FCHO1: variants seen among roughly 807,000 people sequenced by gnomAD.
FCHO1 encodes the protein F-BAR domain only protein 1.
FCHO1 carries 45 observed loss-of-function variants against 114.4 expected under a neutral mutation model. That is an observed-to-expected ratio of 0.39 (90% CI 0.31 to 0.50). The LOEUF (loss-of-function observed/expected upper bound fraction) is 0.50. Ranked by LOEUF, FCHO1 falls within the 20% of genes least tolerant of loss-of-function variation. The pLI, the probability that FCHO1 is intolerant of heterozygous loss-of-function variation, is 0.77. For synonymous variants in FCHO1, 480 were observed against 488.9 expected (o/e 0.98, Z 0.24); for missense variants, 1,042 against 1,209.6 (o/e 0.86, Z 2.06).
chr19:17,754,921 G>T (rs889522832), intron 3 of FCHO1, 197 bp from the exon 4 acceptor site: 21 of 539,296 alleles, frequency 3.9e-5, no homozygotes, highest in Non-Finnish European at 6.4e-5. Context: ...TCTGTGTCTT[G>T]TTCTGTCCCC....
chr19:17,765,997 T>C (rs557137107), intron 6 of FCHO1, among the ~76,000 whole-genome samples: 1 of 146,514 alleles, frequency 6.8e-6, no homozygotes, highest in Admixed American at 7.0e-5. Flanking sequence ...CACGCCATTC[T>C]CCTGCCTCAG....
chr19:17,774,328 G>T, intron 12 of FCHO1, 45 bp downstream of exon 12: 2 of 1,613,224 alleles, frequency 1.2e-6, no homozygotes, highest in Non-Finnish European at 1.7e-6. Context: ...CCATGGGGGT[G>T]AGGGAGGCTG....
Position 17,775,344 on chromosome 19 carries a change from GT to G in FCHO1, c.946-108del. 8.6e-7 allele frequency: 1 copy of G among 1,159,502 alleles called. No individual in the cohort carries two copies. The highest frequency in any genetic ancestry group is 1.3e-6 in the Non-Finnish European group (1 of 770,902). The allele number at this position is 1,159,502 out of a possible 1,614,324, so 71.8% of individuals were successfully genotyped here. On this transcript the variant is annotated intron_variant, in intron 14 of 28. Transcript: ENST00000596536. The surrounding 1 kb of genome is among the most constrained non-coding windows in gnomAD (Gnocchi z 5.1). ...AAGACAGTCGTTGCCATCAGGGTTG[GT>G]TTTGAGGTCTGAGTCAAGGCCTGGG... is the stretch of plus-strand genomic sequence containing the variant.
rs370951361 is a variant in FCHO1, at chr19:17,759,368, G to A, written c.28-3394G>A. 4.6e-5 allele frequency among the ~76,000 whole-genome samples: 7 copies of A among 150,916 alleles called. No individual in the cohort carries two copies. In the East Asian group the frequency reaches 1.2e-3, roughly 26 times the overall value. The stretch of plus-strand genomic sequence containing the variant: ...CTCCCGAGTACTTGGGACTACAGGC[G>A]CCCACTGCCACGTCTGGCTAATTTT... On this transcript the variant is annotated intron_variant, in intron 4 of 28. Transcript: ENST00000596536.
intron 4 of FCHO1, among the ~76,000 whole-genome samples, chr19:17,759,435 C>G (rs1396830857): frequency 6.6e-6 from 1 of 151,002 alleles, no homozygotes; most frequent in Admixed American, 6.6e-5. Flanking sequence ...GTTGGCCAGT[C>G]TGGTCTTGAA....
chr19:17,769,444 G>A (rs1195266922), intron 7 of FCHO1, among the ~76,000 whole-genome samples: 1 of 151,436 alleles, frequency 6.6e-6, no homozygotes, highest in Non-Finnish European at 1.5e-5. Context: ...GCCGGGCGTG[G>A]TGGCGGCGCC....
chr19:17,771,529 C>T (rs955035940), intron 9 of FCHO1, among the ~76,000 whole-genome samples: 2 of 151,320 alleles, frequency 1.3e-5, no homozygotes, highest in Admixed American at 6.6e-5. Flanking sequence ...ATTAGCCGGG[C>T]GTGGTGGTGG....
chr19:17,754,964 G>T lies in FCHO1; in HGVS notation c.-47-154G>T, dbSNP rs140917569. 535 of 632,510 alleles carry T rather than the reference G, an allele frequency of 8.5e-4. 3 individuals are homozygous for T. The African/African-American group carries it at 9.0e-3, about 11-fold the overall frequency. 39.2% of individuals were successfully genotyped at this position (632,510 alleles called of 1,614,324 possible). On this transcript the variant is annotated intron_variant, in intron 3 of 28. Transcript: ENST00000596536. The stretch of plus-strand genomic sequence containing the variant: ...GGAGCTACTTGGGACCAGCACTGGG[G>T]CTGAATTATCTCAGGGGTCCTGGCA...
upstream of FCHO1, among the ~76,000 whole-genome samples, chr19:17,749,954 G>A (rs967611510): frequency 2.6e-5 from 4 of 152,324 alleles, no homozygotes; most frequent in South Asian, 2.1e-4. Context: ...AAGCCAGATC[G>A]TGGAAGGTCA....
At chr19:17,777,535 CAAAAAAAAAAAAAAAAAA>C (rs34293409) in intron 18 of FCHO1, among the ~76,000 whole-genome samples, 1 of 74,808 alleles carries the variant, frequency 1.3e-5, no homozygotes, top group Non-Finnish European at 2.5e-5. Flanking sequence ...AACTCCGTCT[CAAAAAAAAAAAAAAAAAA>C]AAAAAAAAAG....
chr19:17,780,260 G>A (rs2093261614), intron 20 of FCHO1, among the ~76,000 whole-genome samples: 1 of 150,984 alleles, frequency 6.6e-6, no homozygotes. Context: ...TGCCTCCCAG[G>A]TTCAAACAGT....
intron 19 of FCHO1, 106 bp from the exon 20 acceptor site, chr19:17,778,502 TG>T: frequency 1.5e-6 from 2 of 1,339,322 alleles, no homozygotes; most frequent in Non-Finnish European, 2.0e-6. Context: ...GGACTTTGAA[TG>T]GGGGCCCCCC....
At chr19:17,748,397 A>G (rs994025580), upstream of FCHO1, among the ~76,000 whole-genome samples, 3 of 150,748 alleles carry the variant, frequency 2.0e-5, no homozygotes, top group African/African-American at 7.3e-5. Flanking sequence ...TTTCACTGGC[A>G]TCTTCTGTGG....
chr19:17,788,035 T>G (rs1051223326), intron 28 of FCHO1, among the ~76,000 whole-genome samples, 189 bp downstream of exon 28: 21 of 152,118 alleles, frequency 1.4e-4, no homozygotes, highest in Non-Finnish European at 1.9e-4. Context: ...GGGCTGGCCC[T>G]TGGAGGACGT....
At position 17,778,661 on chromosome 19, in the gene FCHO1, G is replaced by T; in HGVS notation, c.1404G>T (p.Ser468=). ...GCCCCTCCCCTTTCTCCTCCTCGTC[G>T]CCCGAAAACGTGGAGGATTCCGGCC... The part of the protein sequence containing the change: ...TSSPSPFSSS[S]PENVEDSGLD... The change falls in exon 20 of 29, where the codon TCG becomes TCT. Residue 468 remains serine (S), a synonymous_variant. Coordinates refer to ENST00000596536, the MANE Select transcript of FCHO1 (RefSeq NM_015122.3). 1 of 1,573,364 alleles carries T rather than the reference G, an allele frequency of 6.4e-7. No homozygotes were observed. The highest frequency in any genetic ancestry group is 8.6e-7 in the Non-Finnish European group (1 of 1,163,658).
chr19:17,777,245 T>C (rs1222819394), intron 18 of FCHO1, among the ~76,000 whole-genome samples: 1 of 151,896 alleles, frequency 6.6e-6, no homozygotes, highest in African/African-American at 2.4e-5. Context: ...ATTTTAAGAA[T>C]AGCAAATAGG....
rs763952240 is a variant in FCHO1 at position 17,775,412 on chromosome 19, G to A, written c.946-44G>A. 8 of 1,592,770 alleles carry A rather than the reference G, an allele frequency of 5.0e-6. No homozygotes were observed. Among genetic ancestry groups the A allele is most frequent in the East Asian group, 2.2e-5 (1 of 44,774 alleles). On this transcript the variant is annotated intron_variant, in intron 14 of 28. Coordinates refer to ENST00000596536, the MANE Select transcript of FCHO1 (RefSeq NM_015122.3). This position sits in a 1 kb window ranked among gnomAD's most constrained non-coding sequence, Gnocchi z 5.1. ...GTTGGCAGGGTGAGATGGAAGGTTC[G>A]ATAGTGGGGCGCCTGACTCACTGCT...
intron 27 of FCHO1, 21 bp downstream of exon 27, chr19:17,786,650 AGGGCTGGGTGGGAGGGACTG>A: frequency 3.2e-6 from 1 of 307,748 alleles, no homozygotes; most frequent in Non-Finnish European, 6.6e-6. Flanking sequence ...GTTGTGTATG[AGGGCTGGGTGGGAGGGACTG>A]GGGTCAGGTG....
Position 17,783,010 on chromosome 19 carries a change from T to C in FCHO1, c.1938-7T>C. On this transcript the variant is annotated splice_polypyrimidine_tract_variant and splice_region_variant and intron_variant, in intron 23 of 28. Transcript: ENST00000596536. ...AAGCCAACACCCAGTCCCCTCATCC[T>C]CCCTAGCTGCCTGGCTCGAGTAACT... is the stretch of plus-strand genomic sequence containing the variant. The C allele has an allele frequency of 6.2e-7, 1 of 1,613,788 alleles. No homozygotes were observed. Among genetic ancestry groups the C allele is most frequent in the Non-Finnish European group, 8.5e-7 (1 of 1,179,812 alleles).
Sources: gnomAD v4.1 joint callset for allele counts (sites outside exome capture counted in the v4.1 genomes callset) on GRCh38, gnomAD v4.1.1 for gene constraint, Gnocchi (gnomAD v3.1) non-coding constraint, MANE v1.5 for transcripts, NCBI Gene and HGNC (gene_info 2026-07-23, HGNC 2026-07-21) for gene names.